Variants in CLSTN2 observed in about 807,000 individuals in gnomAD.
CLSTN2 encodes the protein calsyntenin 2.
In CLSTN2, 48 loss-of-function variants were observed where a neutral mutation model predicts 101.2. The ratio of observed to expected loss-of-function variants is 0.47; its 90% CI spans 0.38 to 0.60. The LOEUF is 0.60. CLSTN2 is among the 20% of genes least tolerant of loss of function. CLSTN2 has a pLI of 0.00. For missense variants in CLSTN2, 1,160 were observed against 1,238.2 expected, an observed-to-expected ratio of 0.94 and a Z score of 0.95; for synonymous variants, 481 against 463.6, an observed-to-expected ratio of 1.04 and a Z score of -0.48.
chr3:140,116,462 A>G (rs1358789374), intron 1 of CLSTN2, among the ~76,000 whole-genome samples: 1 of 152,192 alleles, frequency 6.6e-6, no homozygotes, highest in Non-Finnish European at 1.5e-5. Context: ...TACAGGAATC[A>G]GGAATTTACC....
At chr3:140,198,868 G>A (rs947444258) in intron 2 of CLSTN2, among the ~76,000 whole-genome samples, 5 of 152,182 alleles carry the variant, frequency 3.3e-5, no homozygotes, top group African/African-American at 1.2e-4. Flanking sequence ...AATCCCAGGA[G>A]GTTAACGTAG....
At chr3:140,507,902 A>T (rs1934715871) in intron 8 of CLSTN2, 2 of 152,234 alleles carry the variant, frequency 1.3e-5, no homozygotes, top group African/African-American at 4.8e-5. Flanking sequence ...CTTATAGATG[A>T]AGAAACTACA....
Position 140,404,665 on chromosome 3 carries a change from T to G in CLSTN2, c.536T>G (p.Leu179Arg). 6.2e-7 allele frequency: 1 copy of G among 1,614,228 alleles called. No individual in the cohort carries two copies. Among genetic ancestry groups the G allele is most frequent in the Non-Finnish European group, 8.5e-7 (1 of 1,180,038 alleles). The change falls in exon 4 of 17, where the codon CTG becomes CGG. Residue 179 changes from leucine to arginine, a missense_variant. Leu to Arg is a moderately radical substitution (Grantham distance 102). Transcript: ENST00000458420. ...GAGGGCAAGATCTATGACAGCATTC[T>G]GCAGGTGGAGGCCATTGACGAGGAC... ...VTEGKIYDSILQVEAIDEDCS... is the reference protein window; with the variant it reads ...VTEGKIYDSIRQVEAIDEDCS...
At chr3:140,192,202 T>C (rs1381794980) in intron 2 of CLSTN2, among the ~76,000 whole-genome samples, 2 of 151,964 alleles carry the variant, frequency 1.3e-5, no homozygotes, top group Non-Finnish European at 2.9e-5. Context: ...TTGTATGATT[T>C]CAGTTTTTTT....
chr3:140,441,697 G>C (rs879733731), intron 5 of CLSTN2, among the ~76,000 whole-genome samples: 1 of 152,168 alleles, frequency 6.6e-6, no homozygotes, highest in Non-Finnish European at 1.5e-5. Flanking sequence ...ATGCCTAGAG[G>C]CCACGCAGAG....
At chr3:140,189,156 CTT>C (rs1302450005) in intron 2 of CLSTN2, among the ~76,000 whole-genome samples, 1 of 152,152 alleles carries the variant, frequency 6.6e-6, no homozygotes, top group South Asian at 2.1e-4. Context: ...ATACCACACT[CTT>C]TTTAACCATT....
intron 8 of CLSTN2, among the ~76,000 whole-genome samples, chr3:140,500,704 A>ATT (rs1368903148): frequency 1.3e-5 from 2 of 152,144 alleles, no homozygotes; most frequent in Non-Finnish European, 2.9e-5. Flanking sequence ...TGATAAAATC[A>ATT]TTGTACTTCT....
chr3:140,448,556 G>T lies in CLSTN2; in HGVS notation c.825G>T (p.Gly275=), dbSNP rs752876539. Residue 275 remains glycine (G), a synonymous_variant, in exon 6 of 17, where the codon GGG becomes GGT. Transcript: ENST00000458420. ...GGATTGAGTACCAGCCTGGCTCCGG[G>T]AGCATGCCCCTGTTCCCCAGCATCC... ...TKRIEYQPGS[G]SMPLFPSIHL... The T allele has an allele frequency of 2.8e-5, 45 of 1,613,912 alleles. No individual in the cohort carries two copies. The highest frequency in any genetic ancestry group is 3.7e-5 in the Non-Finnish European group (44 of 1,179,990).
chr3:140,501,043 C>A (rs1024214144), intron 8 of CLSTN2, among the ~76,000 whole-genome samples: 1 of 152,132 alleles, frequency 6.6e-6, no homozygotes. Context: ...GAACCCCTGA[C>A]ACTGTTTAAT....
At chr3:140,253,963 A>G (rs954111630) in intron 2 of CLSTN2, among the ~76,000 whole-genome samples, 13 of 152,026 alleles carry the variant, frequency 8.6e-5, no homozygotes, top group Non-Finnish European at 1.0e-4. Context: ...GTTGGGTGAC[A>G]TTTCACAGGG....
At chr3:140,046,088 T>C (rs1484684203) in intron 1 of CLSTN2, among the ~76,000 whole-genome samples, 3 of 152,042 alleles carry the variant, frequency 2.0e-5, no homozygotes, top group African/African-American at 7.2e-5. Context: ...CTTTCTGTCT[T>C]GTTGATCTAA....
chr3:140,156,867 A>C (rs964080341), intron 1 of CLSTN2, among the ~76,000 whole-genome samples: 1 of 152,098 alleles, frequency 6.6e-6, no homozygotes, highest in South Asian at 2.1e-4. Context: ...CCCTCACAAA[A>C]TAATTTTTCT....
At chr3:140,345,245 C>CTTT (rs569774722) in intron 2 of CLSTN2, among the ~76,000 whole-genome samples, 2,069 of 135,718 alleles carry the variant, frequency 0.015, 96 homozygotes, top group African/African-American at 0.048. Context: ...TGGATATAGC[C>CTTT]TTTTTTTCTT....
chr3:140,343,277 AG>A (rs1380364324), intron 2 of CLSTN2, among the ~76,000 whole-genome samples: 1 of 152,158 alleles, frequency 6.6e-6, no homozygotes, highest in Non-Finnish European at 1.5e-5. Flanking sequence ...ATGAGGCTGG[AG>A]TTTTGTTAGG....
intron 2 of CLSTN2, among the ~76,000 whole-genome samples, chr3:140,202,704 A>G (rs2010732284): frequency 6.6e-6 from 1 of 152,192 alleles, no homozygotes; most frequent in Non-Finnish European, 1.5e-5. Flanking sequence ...AAGAGAAGAG[A>G]TAGGATGAGA....
In CLSTN2 at chr3:140,188,839, A is replaced by T. The variant is rs144583195; in HGVS notation, c.232+12766A>T. 4.2e-3 allele frequency among the ~76,000 whole-genome samples: 639 copies of T among 152,274 alleles called. 3 individuals are homozygous for T. Among genetic ancestry groups the T allele is most frequent in the African/African-American group, 0.014 (599 of 41,554 alleles). Reference sequence around the variant, plus strand: ...ACGCAAAGCTATGGTAAAATATCACAACCAAAATATCGATATTACTACAGA... The same window carrying T: ...ACGCAAAGCTATGGTAAAATATCACTACCAAAATATCGATATTACTACAGA... On this transcript the variant is annotated intron_variant, in intron 2 of 16. Transcript: ENST00000458420.
At chr3:140,073,971 G>A (rs2008441094) in intron 1 of CLSTN2, among the ~76,000 whole-genome samples, 1 of 152,146 alleles carries the variant, frequency 6.6e-6, no homozygotes, top group African/African-American at 2.4e-5. Context: ...GGTCAAGGAA[G>A]GCTGAAGAGC....
chr3:140,220,442 GTTAGT>G (rs2107852405), intron 2 of CLSTN2, among the ~76,000 whole-genome samples: 1 of 152,304 alleles, frequency 6.6e-6, no homozygotes, highest in African/African-American at 2.4e-5. Flanking sequence ...GAGCCCCATG[GTTAGT>G]TTATAGTTTC....
At chr3:140,176,434 T>A (rs1279950695) in intron 2 of CLSTN2, among the ~76,000 whole-genome samples, 1 of 152,164 alleles carries the variant, frequency 6.6e-6, no homozygotes, top group African/African-American at 2.4e-5. Context: ...CCACATGTAA[T>A]TGATAAGTGG....
Sources: allele counts gnomAD v4.1 joint callset (sites outside exome capture counted in the v4.1 genomes callset), GRCh38; gene constraint gnomAD v4.1.1; transcripts MANE v1.5; gene names NCBI Gene and HGNC (gene_info 2026-07-23, HGNC 2026-07-21).